TTLL7: variants seen among roughly 807,000 people sequenced by gnomAD.
TTLL7 encodes tubulin tyrosine ligase like 7, also known as tubulin polyglutamylase TTLL7.
Under a neutral mutation model 120.2 loss-of-function variants are expected in TTLL7, and 53 were observed. That is an observed-to-expected ratio of 0.44 (90% confidence interval 0.35 to 0.55). TTLL7 has a LOEUF of 0.55. TTLL7 is among the 20% of genes least tolerant of loss of function. The probability of loss-of-function intolerance (pLI) is 0.00; values close to 1 mark genes in which losing one functional copy is unlikely to be tolerated. For synonymous variants in TTLL7, 353 were observed against 351.7 expected, an observed-to-expected ratio of 1.00 and a Z score of -0.04; for missense variants, 803 against 1,054.7, an observed-to-expected ratio of 0.76 and a Z score of 3.31.
At chr1:83,986,251 T>C (rs1171568075) in intron 1 of TTLL7, among the ~76,000 whole-genome samples, 1 of 152,230 alleles carries the variant, frequency 6.6e-6, no homozygotes, top group Non-Finnish European at 1.5e-5. Flanking sequence ...GTATAATATA[T>C]GTATAAGTAT....
rs1213398252 is a variant in TTLL7 at position 83,911,213 on chromosome 1, T to C, written c.1738A>G (p.Thr580Ala). 6.2e-6 allele frequency: 10 copies of C among 1,613,228 alleles called. No individual in the cohort carries two copies. Among genetic ancestry groups the C allele is most frequent in the Admixed American group, 5.0e-5 (3 of 59,970 alleles). ...YQNKKREKQV[T>A]YNLKPSNHYK... is the part of the protein sequence containing the mutation. ...TGGTTGGAGGGTTTAAGATTATATG[T>C]AACTTGCTTTTCTCTTTTCTTATTT... Residue 580 changes from threonine (T) to alanine (A), a missense_variant, in exon 15 of 21, where the codon ACA becomes GCA. Physicochemically the swap from Thr to Ala is moderately conservative, Grantham distance 58. Around this residue, in one of 3 missense-constraint regions of TTLL7, gnomAD observed 388 missense variants for 450.4 expected, o/e 0.86. Transcript: ENST00000260505.
chr1:83,933,964 A>G (rs953060514), intron 8 of TTLL7, among the ~76,000 whole-genome samples, 198 bp from the exon 9 acceptor site: 3 of 152,096 alleles, frequency 2.0e-5, no homozygotes, highest in African/African-American at 7.2e-5. Context: ...GGGTTCCTCA[A>G]GTAAGTGACA....
intron 19 of TTLL7, among the ~76,000 whole-genome samples, chr1:83,884,157 G>GGA (rs375684722): frequency 4.1e-5 from 6 of 147,000 alleles, no homozygotes; most frequent in Non-Finnish European, 7.5e-5. Context: ...AGAGAGAGAG[G>GGA]GAGAGAGAGA....
intron 10 of TTLL7, among the ~76,000 whole-genome samples, chr1:83,924,606 G>A (rs1217119305): frequency 2.6e-5 from 4 of 152,142 alleles, no homozygotes; most frequent in African/African-American, 9.7e-5. Flanking sequence ...TGGGTACACA[G>A]TTTCACTTTT....
intron 1 of TTLL7, among the ~76,000 whole-genome samples, chr1:83,953,571 C>A (rs771210302): frequency 1.3e-5 from 2 of 152,006 alleles, no homozygotes; most frequent in African/African-American, 4.8e-5. Flanking sequence ...AATATCAAAA[C>A]GGGGAACTTT....
At position 83,933,769 on chromosome 1, in the gene TTLL7, A is replaced by G; in HGVS notation, c.889-3T>C. Reference sequence around the variant, plus strand: ...ATCAGGGTCTTTACCACCAATTCCTATAAGATTGTGATAAAAGAAGTGAAA... The same window carrying G: ...ATCAGGGTCTTTACCACCAATTCCTGTAAGATTGTGATAAAAGAAGTGAAA... On this transcript the variant is annotated splice_region_variant and splice_polypyrimidine_tract_variant and intron_variant, in intron 8 of 20. Coordinates refer to ENST00000260505, the MANE Select transcript of TTLL7 (RefSeq NM_024686.6). 6.3e-7 allele frequency: 1 copy of G among 1,599,946 alleles called. No homozygotes were observed. The highest frequency in any genetic ancestry group is 8.5e-7 in the Non-Finnish European group (1 of 1,174,436).
intron 8 of TTLL7, among the ~76,000 whole-genome samples, chr1:83,935,105 C>G (rs1381166363): frequency 6.6e-6 from 1 of 152,046 alleles, no homozygotes; most frequent in African/African-American, 2.4e-5. Context: ...TCAGATGTCC[C>G]ATGAGAGGCT....
chr1:83,986,753 T>C (rs114452089), intron 1 of TTLL7, among the ~76,000 whole-genome samples: 6,344 of 152,256 alleles, frequency 0.042, 156 homozygotes, highest in Middle Eastern at 0.099. Flanking sequence ...GACAGCAGAA[T>C]TGCTTGAATC....
chr1:83,890,611 G>A (rs1042580078), intron 18 of TTLL7, 130 bp from the exon 19 acceptor site: 2 of 628,588 alleles, frequency 3.2e-6, no homozygotes, highest in East Asian at 6.5e-5. Flanking sequence ...CTACAAAACT[G>A]TTTTAAAAAT....
intron 18 of TTLL7, among the ~76,000 whole-genome samples, chr1:83,901,468 G>C (rs192776006): frequency 1.3e-5 from 2 of 151,712 alleles, no homozygotes; most frequent in African/African-American, 4.8e-5. Flanking sequence ...TATTAATATC[G>C]TACTCTCTAC....
chr1:83,946,422 G>A (rs1234236760), intron 6 of TTLL7: 1 of 152,098 alleles, frequency 6.6e-6, no homozygotes, highest in Non-Finnish European at 1.5e-5. Context: ...ACTAACATAA[G>A]TAAGCAAAAG....
intron 1 of TTLL7, chr1:83,981,427 A>G (rs1224109497): frequency 1.3e-5 from 2 of 152,190 alleles, no homozygotes; most frequent in Non-Finnish European, 2.9e-5. Context: ...CAAAATTATA[A>G]AAAGCTCAAT....
At position 83,907,542 on chromosome 1, in the gene TTLL7, A is replaced by T. The variant is rs1480274112; in HGVS notation, c.1906T>A (p.Ser636Thr). The T allele has an allele frequency of 6.2e-7, 1 of 1,613,422 alleles. No homozygotes were observed. The highest frequency in any genetic ancestry group is 8.5e-7 in the Non-Finnish European group (1 of 1,179,566). The change falls in exon 16 of 21, where the codon TCT becomes ACT. Residue 636 changes from serine to threonine, a missense_variant. Transcript: ENST00000260505. ...GCACGGTTTAAGGAATGTGACCGAG[A>T]TGCAGAAGTTGGCCGTGACACAGAT... Reference protein sequence around the residue: ...MISVSRPTSASRSHSLNRASS... With the variant: ...MISVSRPTSATRSHSLNRASS...
intron 6 of TTLL7, chr1:83,946,216 T>G (rs938072609): frequency 1.3e-5 from 2 of 152,154 alleles, no homozygotes; most frequent in Non-Finnish European, 2.9e-5. Context: ...CATGCCCGGC[T>G]AATTTTTTGT....
chr1:83,933,879 C>T, intron 8 of TTLL7, 113 bp from the exon 9 acceptor site: 2 of 931,342 alleles, frequency 2.1e-6, no homozygotes, highest in Non-Finnish European at 3.2e-6. Context: ...AGCTCTGTGG[C>T]ATCTAGCCCC....
chr1:83,928,613 CT>C (rs1659332714), intron 10 of TTLL7, among the ~76,000 whole-genome samples: 1 of 152,188 alleles, frequency 6.6e-6, no homozygotes, highest in East Asian at 1.9e-4. Context: ...AAACAACTGC[CT>C]CTCTTTTTTA....
At chr1:83,883,685 A>G (rs1654720834) in intron 19 of TTLL7, among the ~76,000 whole-genome samples, 1 of 152,094 alleles carries the variant, frequency 6.6e-6, no homozygotes, top group Non-Finnish European at 1.5e-5. Context: ...TTTCTCAAAA[A>G]TTAAGTATTC....
intron 15 of TTLL7, among the ~76,000 whole-genome samples, chr1:83,908,514 T>C (rs914396495): frequency 1.3e-5 from 2 of 152,064 alleles, no homozygotes; most frequent in Admixed American, 1.3e-4. Flanking sequence ...TATGGATCTA[T>C]AGGGTTGTTA....
At chr1:83,947,080 A>G (rs764494116) in intron 6 of TTLL7, 44 bp downstream of exon 6, 2 of 1,515,882 alleles carry the variant, frequency 1.3e-6, no homozygotes, top group African/African-American at 2.9e-5. Flanking sequence ...CCCACTCCCA[A>G]ATTTTTTTTT....
Sources: allele counts gnomAD v4.1 joint callset (sites outside exome capture counted in the v4.1 genomes callset), GRCh38; gene constraint gnomAD v4.1.1; regional missense constraint gnomAD v4.1.1; transcripts MANE v1.5; gene names NCBI Gene and HGNC (gene_info 2026-07-23, HGNC 2026-07-21).